ATP2B3: variants seen among roughly 807,000 people sequenced by gnomAD.
The protein encoded by ATP2B3 is plasma membrane calcium-transporting ATPase 3.
A neutral mutation model predicts 70.8 loss-of-function variants in ATP2B3; 12 were observed. That is an observed-to-expected ratio of 0.17 (90% CI 0.11 to 0.27). The LOEUF (loss-of-function observed/expected upper bound fraction) is 0.27, where lower values mean the gene tolerates loss of function less well. ATP2B3 is among the 10% of genes least tolerant of loss of function. The probability of loss-of-function intolerance (pLI) is 1.00; values close to 1 mark genes in which losing one functional copy is unlikely to be tolerated. For synonymous variants in ATP2B3, 460 were observed against 497.8 expected, an observed-to-expected ratio of 0.92 and a Z score of 1.01; for missense variants, 858 against 1,118.5, an observed-to-expected ratio of 0.77 and a Z score of 3.32.
At chrX:153,558,875 G>A (rs782314728) in intron 17 of ATP2B3, among the ~76,000 whole-genome samples, 15 of 111,523 alleles carry the variant, frequency 1.3e-4, no homozygotes, top group Non-Finnish European at 2.4e-4. Context: ...GCTGCCAGGA[G>A]CATCTGTGTA....
At position 153,542,345 on chromosome X, in the gene ATP2B3, C is replaced by T. The variant is rs782657330; in HGVS notation, c.687C>T (p.Gly229=). The T allele has an allele frequency of 3.3e-6, 4 of 1,211,437 alleles. No homozygotes were observed. Among genetic ancestry groups the T allele is most frequent in the Middle Eastern group, 2.3e-4 (1 of 4,356 alleles). Residue 229 remains glycine (G), a synonymous_variant, in exon 6 of 22, where the codon GGC becomes GGT. Coordinates refer to ENST00000263519, the MANE Select transcript of ATP2B3 (RefSeq NM_001001344.3). ...VKYGDLLPAD[G]VLIQANDLKI... The stretch of plus-strand genomic sequence containing the variant: ...TAGGCGACCTGCTGCCAGCCGACGG[C>T]GTGCTCATCCAGGCCAATGACCTCA...
intron 1 of ATP2B3, 131 bp downstream of exon 1, chrX:153,518,006 G>T (rs1158609020): frequency 2.7e-5 from 3 of 109,880 alleles, no homozygotes; most frequent in African/African-American, 9.8e-5. Context: ...ACGGGTCCCC[G>T]CCCGAGGCAC....
At chrX:153,572,263 G>A (rs782281551) in intron 21 of ATP2B3, among the ~76,000 whole-genome samples, 14 of 112,875 alleles carry the variant, frequency 1.2e-4, no homozygotes, top group African/African-American at 4.5e-4. Flanking sequence ...CTGCAGGGGC[G>A]TCGAGTCACG....
At chrX:153,554,761 G>A (rs1004034191) in intron 13 of ATP2B3, among the ~76,000 whole-genome samples, 6 of 112,642 alleles carry the variant, frequency 5.3e-5, no homozygotes, top group African/African-American at 6.5e-5. Flanking sequence ...TGGGCCGGCC[G>A]GGGGCACTGG....
chrX:153,574,723 C>T (rs782007177), intron 21 of ATP2B3: 2 of 316,666 alleles, frequency 6.3e-6, no homozygotes, highest in Non-Finnish European at 1.3e-5. Context: ...CACCCTCATC[C>T]TCCTCCCCAG....
At chrX:153,540,256 G>A (rs2090259744) in intron 3 of ATP2B3, among the ~76,000 whole-genome samples, 1 of 112,057 alleles carries the variant, frequency 8.9e-6, no homozygotes, top group East Asian at 2.8e-4. Flanking sequence ...AGCCCAGGGT[G>A]GGCAGTGTCT....
At chrX:153,575,269 T>C (rs2124546605) in intron 21 of ATP2B3, among the ~76,000 whole-genome samples, 1 of 112,452 alleles carries the variant, frequency 8.9e-6, no homozygotes, top group East Asian at 2.8e-4. Flanking sequence ...CCCTGCTGGG[T>C]GCAGCGAGCC....
chrX:153,544,460 G>T (rs781815613), intron 7 of ATP2B3, among the ~76,000 whole-genome samples: 5 of 111,462 alleles, frequency 4.5e-5, no homozygotes, highest in African/African-American at 1.6e-4. Flanking sequence ...CCCCTCCCAG[G>T]CCCCACCTGG....
intron 3 of ATP2B3, among the ~76,000 whole-genome samples, chrX:153,539,356 C>A (rs782210823): frequency 1.8e-5 from 2 of 112,995 alleles, no homozygotes; most frequent in East Asian, 5.6e-4. Context: ...GAGGCACGGA[C>A]AGCTGCGGCT....
chrX:153,572,907 C>T (rs2090810385), intron 21 of ATP2B3, among the ~76,000 whole-genome samples: 1 of 112,416 alleles, frequency 8.9e-6, no homozygotes, highest in Non-Finnish European at 1.9e-5. Flanking sequence ...CGGGAGGGTG[C>T]GCGATCATTT....
intron 12 of ATP2B3, among the ~76,000 whole-genome samples, chrX:153,551,754 A>C (rs1367068108): frequency 1.8e-5 from 2 of 111,822 alleles, no homozygotes; most frequent in Non-Finnish European, 3.8e-5. Context: ...TATCCCAATA[A>C]AGCTATTAGA....
At chrX:153,547,051 G>A (rs1424075384) in intron 8 of ATP2B3, among the ~76,000 whole-genome samples, 2 of 112,121 alleles carry the variant, frequency 1.8e-5, no homozygotes, top group East Asian at 2.8e-4. Flanking sequence ...CCAGTGGATC[G>A]GGGACCAGAG....
chrX:153,535,893 G>A (rs782715642), intron 2 of ATP2B3, among the ~76,000 whole-genome samples: 1 of 112,827 alleles, frequency 8.9e-6, no homozygotes, highest in East Asian at 2.8e-4. Flanking sequence ...CCCCCACCTG[G>A]GCAAGCCCTC....
At chrX:153,526,514 G>A (rs529718633) in intron 2 of ATP2B3, among the ~76,000 whole-genome samples, 7 of 111,852 alleles carry the variant, frequency 6.3e-5, no homozygotes, top group South Asian at 3.7e-4. Flanking sequence ...CGGGTTCCTC[G>A]CTCAGAAATA....
chrX:153,564,863 C>T (rs913522289), intron 20 of ATP2B3, 58 bp from the exon 21 acceptor site: 15 of 1,076,489 alleles, frequency 1.4e-5, no homozygotes, highest in African/African-American at 7.6e-5. Context: ...AGGGACCTTA[C>T]ACCAGGCAGA....
chrX:153,537,877 G>A (rs2090216571), intron 3 of ATP2B3, among the ~76,000 whole-genome samples: 1 of 112,738 alleles, frequency 8.9e-6, no homozygotes, highest in South Asian at 3.6e-4. Flanking sequence ...CTGGGAACCT[G>A]CCCGATTCTG....
intron 3 of ATP2B3, among the ~76,000 whole-genome samples, chrX:153,537,105 C>T (rs2090203611): frequency 1.8e-5 from 2 of 113,065 alleles, no homozygotes; most frequent in Admixed American, 1.8e-4. Flanking sequence ...GCCCGGTGAG[C>T]ACTGTCTAGA....
At position 153,549,758 on chromosome X, in the gene ATP2B3, G is replaced by T. The variant is rs782439015; in HGVS notation, c.1581+19G>T. 1 of 1,201,880 alleles carries T rather than the reference G, an allele frequency of 8.3e-7. No individual in the cohort carries two copies. The highest frequency in any genetic ancestry group is 3.0e-5 in the East Asian group (1 of 33,667). ...AATACTAGTGAGCTGGGGCAGGAGC[G>T]GGCGGGCAGGGCCGGGGGCAGGAGC... On this transcript the variant is annotated intron_variant, in intron 11 of 21. Coordinates refer to ENST00000263519, the MANE Select transcript of ATP2B3 (RefSeq NM_001001344.3).
At chrX:153,577,875 CT>C (rs1333265213) in intron 21 of ATP2B3, among the ~76,000 whole-genome samples, 3 of 111,514 alleles carry the variant, frequency 2.7e-5, no homozygotes, top group Non-Finnish European at 5.7e-5. Flanking sequence ...CCGCCTCGGC[CT>C]CCCAAAGTGC....
Sources: allele counts gnomAD v4.1 joint callset (sites outside exome capture counted in the v4.1 genomes callset), GRCh38; gene constraint gnomAD v4.1.1; transcripts MANE v1.5; gene names NCBI Gene and HGNC (gene_info 2026-07-23, HGNC 2026-07-21).